The following KCNH5 variants were observed in gnomAD, a reference collection of about 807,000 sequenced individuals.
KCNH5 encodes potassium voltage-gated channel subfamily H member 5.
In KCNH5, 46 loss-of-function variants were observed where a neutral mutation model predicts 96.1. That is an observed-to-expected ratio of 0.48 (90% CI 0.38 to 0.61). The LOEUF is 0.61. Among genes scored for constraint, KCNH5 ranks in the 20% least tolerant of loss-of-function variants. KCNH5 has a pLI of 0.00. For synonymous variants in KCNH5, 439 were observed against 449.8 expected, an observed-to-expected ratio of 0.98 and a Z score of 0.30; for missense variants, 907 against 1,225.8, an observed-to-expected ratio of 0.74 and a Z score of 3.88.
At chr14:62,841,276 C>G (rs1887579610) in intron 8 of KCNH5, among the ~76,000 whole-genome samples, 1 of 152,104 alleles carries the variant, frequency 6.6e-6, no homozygotes, top group Non-Finnish European at 1.5e-5. Context: ...CTGCATAATT[C>G]TACTTTTACC....
In KCNH5 at chr14:62,987,112, T is replaced by C. The variant is rs201130110; in HGVS notation, c.509A>G (p.Asn170Ser). Residue 170 changes from asparagine (N) to serine (S), a missense_variant, in exon 5 of 11, where the codon AAT becomes AGT. Coordinates refer to ENST00000322893, the MANE Select transcript of KCNH5 (RefSeq NM_139318.5). The stretch of plus-strand genomic sequence containing the variant: ...ATGTTTATGGACCACCTCTGTTTTA[T>C]TCATTGGCGTGAGCTGCTGCAAAAC... Reference protein sequence around the residue: ...RSVLQQLTPMNKTEVVHKHSR... With the variant: ...RSVLQQLTPMSKTEVVHKHSR... The C allele has an allele frequency of 6.8e-6, 11 of 1,613,680 alleles. No individual in the cohort carries two copies. The South Asian group carries it at 7.7e-5, about 11-fold the overall frequency.
intron 8 of KCNH5, among the ~76,000 whole-genome samples, chr14:62,830,384 C>A (rs1279559599): frequency 2.0e-5 from 3 of 152,080 alleles, no homozygotes; most frequent in Admixed American, 1.3e-4. Flanking sequence ...TTAGTTTTCA[C>A]ACTGTTATAG....
chr14:62,849,952 A>G, intron 7 of KCNH5, 100 bp from the exon 8 acceptor site: 1 of 955,630 alleles, frequency 1.0e-6, no homozygotes, highest in Non-Finnish European at 1.6e-6. Flanking sequence ...ACATCCTTAT[A>G]AACTTGCAGG....
intron 1 of KCNH5, among the ~76,000 whole-genome samples, chr14:63,018,228 C>T (rs1891362179): frequency 6.6e-6 from 1 of 151,676 alleles, no homozygotes; most frequent in Non-Finnish European, 1.5e-5. Flanking sequence ...AGAGCACTTG[C>T]CAGTTTGGGA....
chr14:62,971,025 A>G (rs1230555458), intron 6 of KCNH5, among the ~76,000 whole-genome samples: 1 of 152,118 alleles, frequency 6.6e-6, no homozygotes, highest in Non-Finnish European at 1.5e-5. Context: ...CAATAAAACA[A>G]GAAAAGGTAT....
At chr14:62,816,152 G>C (rs1017744805) in intron 8 of KCNH5, among the ~76,000 whole-genome samples, 1 of 151,794 alleles carries the variant, frequency 6.6e-6, no homozygotes, top group Non-Finnish European at 1.5e-5. Flanking sequence ...ATCTTGAAAA[G>C]ATTGGGAAAT....
At chr14:62,891,837 A>C (rs1230779013) in intron 7 of KCNH5, among the ~76,000 whole-genome samples, 2 of 152,064 alleles carry the variant, frequency 1.3e-5, no homozygotes, top group East Asian at 3.9e-4. Flanking sequence ...TATTATTGTG[A>C]TTGTTTAGGG....
chr14:62,715,276 A>G (rs1884659943), intron 10 of KCNH5, among the ~76,000 whole-genome samples: 1 of 152,172 alleles, frequency 6.6e-6, no homozygotes, highest in Non-Finnish European at 1.5e-5. Context: ...AGGAAAAGAG[A>G]GAGGTGTTTT....
intron 7 of KCNH5, among the ~76,000 whole-genome samples, chr14:62,917,878 G>A (rs1347520531): frequency 6.6e-6 from 1 of 152,102 alleles, no homozygotes; most frequent in Non-Finnish European, 1.5e-5. Flanking sequence ...ATTACTCCAA[G>A]AAGGATCATA....
At chr14:62,996,663 A>T (rs559834035) in intron 4 of KCNH5, among the ~76,000 whole-genome samples, 16 of 152,358 alleles carry the variant, frequency 1.1e-4, no homozygotes, top group African/African-American at 3.6e-4. Flanking sequence ...CAACACTTCA[A>T]CATCAGCACC....
intron 10 of KCNH5, among the ~76,000 whole-genome samples, chr14:62,709,632 G>A (rs575861359): frequency 6.6e-6 from 1 of 152,130 alleles, no homozygotes; most frequent in Non-Finnish European, 1.5e-5. Context: ...GTACAGGTGA[G>A]GGGTTAGATA....
intron 2 of KCNH5, among the ~76,000 whole-genome samples, chr14:63,007,956 G>A (rs533717622): frequency 1.3e-5 from 2 of 152,164 alleles, no homozygotes; most frequent in African/African-American, 2.4e-5. Context: ...ACTTGCCCAA[G>A]AACTACATGT....
chr14:62,801,787 G>A (rs1886666198), intron 9 of KCNH5, among the ~76,000 whole-genome samples: 2 of 152,072 alleles, frequency 1.3e-5, no homozygotes, highest in Admixed American at 1.3e-4. Context: ...TAAAGAGTCA[G>A]ACTCATTAAC....
At chr14:63,012,892 A>G (rs891128350) in intron 2 of KCNH5, among the ~76,000 whole-genome samples, 5 of 151,722 alleles carry the variant, frequency 3.3e-5, no homozygotes, top group Non-Finnish European at 2.9e-5. Context: ...ATATTTAATT[A>G]ACAAGCAGAA....
intron 10 of KCNH5, among the ~76,000 whole-genome samples, chr14:62,728,186 G>C (rs985800433): frequency 1.3e-5 from 2 of 149,344 alleles, no homozygotes; most frequent in East Asian, 3.9e-4. Flanking sequence ...TTCAAGACCA[G>C]CCTGGCCATC....
chr14:63,008,285 T>G (rs1242339775), intron 2 of KCNH5, among the ~76,000 whole-genome samples: 1 of 152,008 alleles, frequency 6.6e-6, no homozygotes, highest in African/African-American at 2.4e-5. Context: ...AAACAGAGCC[T>G]CGAAAGACAT....
chr14:63,005,785 C>T (rs1208458393), intron 3 of KCNH5, among the ~76,000 whole-genome samples: 1 of 152,098 alleles, frequency 6.6e-6, no homozygotes, highest in Non-Finnish European at 1.5e-5. Flanking sequence ...GCATACCTTA[C>T]CACATACAAA....
intron 2 of KCNH5, among the ~76,000 whole-genome samples, chr14:63,016,066 A>AC (rs2139606842): frequency 6.6e-6 from 1 of 151,848 alleles, no homozygotes; most frequent in African/African-American, 2.4e-5. Flanking sequence ...GCCTAGAAAA[A>AC]AAAAAAATCA....
chr14:62,932,075 A>T (rs1317555512), intron 7 of KCNH5, among the ~76,000 whole-genome samples: 1 of 152,124 alleles, frequency 6.6e-6, no homozygotes, highest in African/African-American at 2.4e-5. Flanking sequence ...TTTCCACAAA[A>T]TAACCCAATT....
Sources: gnomAD v4.1 joint callset for allele counts (sites outside exome capture counted in the v4.1 genomes callset) on GRCh38, gnomAD v4.1.1 for gene constraint, MANE v1.5 for transcripts, NCBI Gene and HGNC (gene_info 2026-07-23, HGNC 2026-07-21) for gene names.